WDR7: variants seen among roughly 807,000 people sequenced by gnomAD.
The protein encoded by WDR7 is WD repeat-containing protein 7.
In WDR7, 46 loss-of-function variants were observed where a neutral mutation model predicts 169.4. That is an observed-to-expected ratio of 0.27 (90% CI 0.21 to 0.35). The LOEUF (loss-of-function observed/expected upper bound fraction) is 0.35, where lower values mean the gene tolerates loss of function less well. Among genes scored for constraint, WDR7 ranks in the 10% least tolerant of loss-of-function variants. The pLI is 1.00. For missense variants in WDR7, 1,534 were observed against 1,859.3 expected (o/e 0.83, Z 3.22); for synonymous variants, 612 against 666.8 (o/e 0.92, Z 1.27).
At chr18:56,757,815 G>A (rs2043919403) in intron 15 of WDR7, among the ~76,000 whole-genome samples, 1 of 151,880 alleles carries the variant, frequency 6.6e-6, no homozygotes, top group Non-Finnish European at 1.5e-5. Context: ...AAAAATAAAA[G>A]TAATTAGCTG....
rs1374771721 is a variant in WDR7 at position 56,756,723 on chromosome 18, G to T, written c.2130G>T (p.Pro710=). The change falls in exon 15 of 28, where the codon CCG becomes CCT. Residue 710 remains proline, a synonymous_variant. Coordinates refer to ENST00000254442, the MANE Select transcript of WDR7 (RefSeq NM_015285.3). ...TCCTGACTGAAGAAGCCTCTAGGCC[G>T]AATACTGCTCTTATTTCCCCAGAGA... The part of the protein sequence containing the change: ...IQLLTEEASR[P]NTALISPENL... 1.9e-6 allele frequency: 3 copies of T among 1,613,996 alleles called. No homozygotes were observed. Among genetic ancestry groups the T allele is most frequent in the Non-Finnish European group, 2.5e-6 (3 of 1,180,032 alleles).
At chr18:56,852,155 A>G (rs2045649952) in intron 20 of WDR7, among the ~76,000 whole-genome samples, 1 of 152,196 alleles carries the variant, frequency 6.6e-6, no homozygotes, top group South Asian at 2.1e-4. Context: ...ACCCAGCTAT[A>G]GAAAAACGTG....
intron 19 of WDR7, among the ~76,000 whole-genome samples, chr18:56,811,005 C>T (rs1453966095): frequency 6.6e-6 from 1 of 152,174 alleles, no homozygotes; most frequent in Non-Finnish European, 1.5e-5. Flanking sequence ...CATAGGTTTG[C>T]TTCTTCTAGA....
At chr18:56,777,905 A>C (rs2044264309) in intron 17 of WDR7, among the ~76,000 whole-genome samples, 1 of 152,234 alleles carries the variant, frequency 6.6e-6, no homozygotes, top group African/African-American at 2.4e-5. Flanking sequence ...GAACTTTACC[A>C]AAATAATTTG....
intron 20 of WDR7, among the ~76,000 whole-genome samples, chr18:56,844,741 T>C (rs2045542689): frequency 6.6e-6 from 1 of 152,088 alleles, no homozygotes. Context: ...TATGCACACA[T>C]AGGTTGGTAG....
At chr18:56,920,202 C>T (rs1260435708) in intron 21 of WDR7, among the ~76,000 whole-genome samples, 1 of 152,072 alleles carries the variant, frequency 6.6e-6, no homozygotes, top group African/African-American at 2.4e-5. Flanking sequence ...GGAATGTTTT[C>T]TTTCCCTTCT....
chr18:56,840,840 C>T (rs982150185), intron 20 of WDR7, among the ~76,000 whole-genome samples: 1 of 151,092 alleles, frequency 6.6e-6, no homozygotes, highest in South Asian at 2.1e-4. Flanking sequence ...AAAAAAAAGA[C>T]CCCATTTCCC....
At chr18:56,831,030 G>A (rs2045298983) in intron 20 of WDR7, among the ~76,000 whole-genome samples, 2 of 152,190 alleles carry the variant, frequency 1.3e-5, no homozygotes, top group Non-Finnish European at 2.9e-5. Context: ...CACTGTAGAA[G>A]CATGATCTTC....
At chr18:56,980,570 T>TACTC (rs112121742) in intron 26 of WDR7, among the ~76,000 whole-genome samples, 13,870 of 151,890 alleles carry the variant, frequency 0.091, 2,050 homozygotes, top group African/African-American at 0.31. Context: ...AGCAAATAAT[T>TACTC]AAAGAAACAC....
chr18:57,009,810 T>C, intron 26 of WDR7: 8 of 972,892 alleles, frequency 8.2e-6, no homozygotes, highest in Non-Finnish European at 9.8e-6. Flanking sequence ...AGCTTTATAA[T>C]CTACATCAGA....
rs80151656 is a variant in WDR7 at position 56,815,308 on chromosome 18, C to T, written c.3191-723C>T. On this transcript the variant is annotated intron_variant, in intron 19 of 27. Coordinates refer to ENST00000254442, the MANE Select transcript of WDR7 (RefSeq NM_015285.3). ...GAAAAATATCGATGCACCCTAGTATCTGTTGTGAAATTGAGAAATAATGTG... is the reference window on the plus strand; with the variant it reads ...GAAAAATATCGATGCACCCTAGTATTTGTTGTGAAATTGAGAAATAATGTG... Among the ~76,000 whole-genome samples the T allele has an allele frequency of 8.2e-3, 1,241 of 152,210 alleles. 19 individuals carry two copies. The highest frequency in any genetic ancestry group is 0.026 in the African/African-American group (1,089 of 41,530).
In WDR7 at chr18:56,923,855, G is replaced by C. The variant is rs1301213833; in HGVS notation, c.3527-67G>C. 4 of 1,370,786 alleles carry C rather than the reference G, an allele frequency of 2.9e-6. No homozygotes were observed. The East Asian group carries it at 1.1e-4, about 37-fold the overall frequency. The allele number at this position is 1,370,786 out of a possible 1,614,324, so 84.9% of individuals were successfully genotyped here. On this transcript the variant is annotated intron_variant, in intron 21 of 27. Transcript: ENST00000254442. ...AAAATGGATTATATTTTGAAAGTAT[G>C]CTTCAAAAGAAACAATTACAAAAGT...
Position 56,938,525 on chromosome 18 carries a change from T to C in WDR7, c.3832-8T>C. 1 of 1,613,158 alleles carries C rather than the reference T, an allele frequency of 6.2e-7. No homozygotes were observed. Among genetic ancestry groups the C allele is most frequent in the South Asian group, 1.1e-5 (1 of 90,840 alleles). Reference sequence around the variant, plus strand: ...CAATCATATCTACAGCATAGAAATGTTTTGTAGGTACACAGACATACGGCT... The same window carrying C: ...CAATCATATCTACAGCATAGAAATGCTTTGTAGGTACACAGACATACGGCT... On this transcript the variant is annotated splice_polypyrimidine_tract_variant and splice_region_variant and intron_variant, in intron 23 of 27. Coordinates refer to ENST00000254442, the MANE Select transcript of WDR7 (RefSeq NM_015285.3).
chr18:56,981,336 A>C (rs1428441238), intron 26 of WDR7, among the ~76,000 whole-genome samples: 2 of 152,204 alleles, frequency 1.3e-5, no homozygotes, highest in African/African-American at 4.8e-5. Context: ...GCTCTGAGAT[A>C]CCTAACAAGT....
At chr18:57,010,611 A>AT (rs2048122938) in intron 26 of WDR7, among the ~76,000 whole-genome samples, 1 of 152,172 alleles carries the variant, frequency 6.6e-6, no homozygotes, top group African/African-American at 2.4e-5. Context: ...AGCAAACCTA[A>AT]TTTTCAAAGT....
chr18:56,739,926 G>C (rs565707253), intron 14 of WDR7, among the ~76,000 whole-genome samples: 109 of 134,374 alleles, frequency 8.1e-4, no homozygotes, highest in African/African-American at 2.8e-3. Context: ...AGAGCTTTTT[G>C]AATCTGTAGG....
At chr18:56,925,397 C>T (rs1347039066) in intron 22 of WDR7, among the ~76,000 whole-genome samples, 2 of 152,134 alleles carry the variant, frequency 1.3e-5, no homozygotes, top group African/African-American at 2.4e-5. Context: ...TACAGCCTCG[C>T]CAACACTTGT....
intron 19 of WDR7, among the ~76,000 whole-genome samples, chr18:56,812,457 G>A (rs1238221642): frequency 6.6e-6 from 1 of 152,188 alleles, no homozygotes; most frequent in East Asian, 1.9e-4. Context: ...TAGATAGAGA[G>A]AACAGGGGAC....
At chr18:56,696,992 T>G (rs1163114099) in intron 12 of WDR7, among the ~76,000 whole-genome samples, 1 of 152,220 alleles carries the variant, frequency 6.6e-6, no homozygotes, top group East Asian at 1.9e-4. Flanking sequence ...TGCTTTCTGA[T>G]GCATTTTAAG....
Sources: allele counts gnomAD v4.1 joint callset (sites outside exome capture counted in the v4.1 genomes callset), GRCh38; gene constraint gnomAD v4.1.1; transcripts MANE v1.5; gene names NCBI Gene and HGNC (gene_info 2026-07-23, HGNC 2026-07-21).